Variants in OXSR1 observed in about 807,000 individuals in gnomAD.
OXSR1 encodes the protein serine/threonine-protein kinase OSR1.
In OXSR1, 24 loss-of-function variants were observed where a neutral mutation model predicts 79.8. That is an observed-to-expected ratio of 0.30 (90% CI 0.22 to 0.42). The LOEUF is 0.42. Among genes scored for constraint, OXSR1 ranks in the 10% least tolerant of loss-of-function variants. The probability of loss-of-function intolerance (pLI) is 1.00; values close to 1 mark genes in which losing one functional copy is unlikely to be tolerated. For synonymous variants in OXSR1, 226 were observed against 209.2 expected (o/e 1.08, Z -0.69); for missense variants, 430 against 618.4 (o/e 0.70, Z 3.23).
chr3:38,166,762 C>A (rs1215838198), intron 1 of OXSR1, among the ~76,000 whole-genome samples: 1 of 145,610 alleles, frequency 6.9e-6, no homozygotes. Flanking sequence ...TGCACTCCAG[C>A]CTGGGCGACA....
intron 11 of OXSR1, among the ~76,000 whole-genome samples, 186 bp downstream of exon 11, chr3:38,237,147 G>C (rs1219881148): frequency 6.6e-6 from 1 of 151,954 alleles, no homozygotes; most frequent in Non-Finnish European, 1.5e-5. Context: ...ATAATATTTA[G>C]AGTATATAAA....
At chr3:38,213,915 TTAA>T (rs1702435603) in intron 4 of OXSR1, among the ~76,000 whole-genome samples, 1 of 152,220 alleles carries the variant, frequency 6.6e-6, no homozygotes. Flanking sequence ...CATTTTTCCC[TTAA>T]TAATGTATTT....
chr3:38,201,407 T>C (rs1421604729), intron 4 of OXSR1, among the ~76,000 whole-genome samples: 1 of 150,652 alleles, frequency 6.6e-6, no homozygotes, highest in African/African-American at 2.4e-5. Flanking sequence ...ACAAAAAAAT[T>C]TTTTAAAATT....
chr3:38,246,174 A>T lies in OXSR1; in HGVS notation c.1210A>T (p.Thr404Ser), dbSNP rs912700802. 3.7e-6 allele frequency: 6 copies of T among 1,613,668 alleles called. No individual in the cohort carries two copies. In the African/African-American group the frequency reaches 6.7e-5, roughly 18 times the overall value. The change falls in exon 13 of 18, where the codon ACT becomes TCT. Residue 404 changes from threonine (T) to serine (S), a missense_variant. Physicochemically the swap from Thr to Ser is moderately conservative, Grantham distance 58. This residue lies in a region of OXSR1 where 276 missense variants were observed against 354.2 expected (regional missense o/e 0.78). Transcript: ENST00000311806. ...QPAGQIATQPTQVSLPPTAEP... is the reference protein window; with the variant it reads ...QPAGQIATQPSQVSLPPTAEP... ...AGCTGGGCAGATTGCTACACAGCCA[A>T]CTCAAGTCTCTCTCCCACCCACCGC... is the stretch of plus-strand genomic sequence containing the variant.
intron 15 of OXSR1, 165 bp downstream of exon 15, chr3:38,250,183 A>G (rs895616050): frequency 1.7e-6 from 1 of 589,982 alleles, no homozygotes. Context: ...TTCGTTGACT[A>G]CTAAACACAT....
intron 14 of OXSR1, among the ~76,000 whole-genome samples, chr3:38,249,004 G>A (rs745914529): frequency 1.3e-5 from 2 of 152,130 alleles, no homozygotes; most frequent in Non-Finnish European, 2.9e-5. Flanking sequence ...ATTTCAGGTA[G>A]TATATACATG....
intron 8 of OXSR1, among the ~76,000 whole-genome samples, chr3:38,227,545 CCACA>C (rs58097834): frequency 0.073 from 10,113 of 138,254 alleles, 333 homozygotes; most frequent in Non-Finnish European, 0.075. Context: ...GTATGCACAT[CCACA>C]CACACACACA....
chr3:38,237,760 C>G (rs550573826), intron 11 of OXSR1, among the ~76,000 whole-genome samples: 8 of 152,278 alleles, frequency 5.3e-5, no homozygotes, highest in Non-Finnish European at 8.8e-5. Context: ...CGATTAAGCT[C>G]TAAGCTTGGA....
intron 2 of OXSR1, among the ~76,000 whole-genome samples, chr3:38,189,473 A>C (rs995405289): frequency 6.6e-6 from 1 of 152,214 alleles, no homozygotes; most frequent in Non-Finnish European, 1.5e-5. Flanking sequence ...GTTGCAAGAT[A>C]TGTATGGCAA....
intron 1 of OXSR1, among the ~76,000 whole-genome samples, chr3:38,174,871 G>A (rs1262990311): frequency 2.0e-5 from 3 of 152,192 alleles, no homozygotes; most frequent in African/African-American, 7.2e-5. Context: ...AGCGAGTGAT[G>A]ATTCATTGCA....
intron 3 of OXSR1, among the ~76,000 whole-genome samples, chr3:38,197,083 T>A (rs1446365441): frequency 6.6e-6 from 1 of 152,212 alleles, no homozygotes; most frequent in Non-Finnish European, 1.5e-5. Flanking sequence ...GTATAATCAC[T>A]TTGCTTTGGG....
chr3:38,242,942 G>C (rs1245708362), intron 12 of OXSR1, among the ~76,000 whole-genome samples, 164 bp downstream of exon 12: 6 of 152,058 alleles, frequency 3.9e-5, no homozygotes, highest in Non-Finnish European at 8.8e-5. Context: ...GTTCTTCCTT[G>C]CCTCTTTGAT....
chr3:38,201,451 C>T (rs1456064610), intron 4 of OXSR1, among the ~76,000 whole-genome samples: 2 of 152,018 alleles, frequency 1.3e-5, no homozygotes, highest in Non-Finnish European at 2.9e-5. Context: ...TGACTCACGC[C>T]TGTAATCCCA....
At chr3:38,199,990 A>G (rs1702134124) in intron 4 of OXSR1, among the ~76,000 whole-genome samples, 1 of 152,114 alleles carries the variant, frequency 6.6e-6, no homozygotes, top group Non-Finnish European at 1.5e-5. Context: ...GTGGGGAAAC[A>G]CTGGACCTGC....
chr3:38,249,168 C>T (rs1451739994), intron 14 of OXSR1, among the ~76,000 whole-genome samples: 7 of 152,156 alleles, frequency 4.6e-5, no homozygotes, highest in Non-Finnish European at 1.0e-4. Flanking sequence ...AGTAAACCCT[C>T]TCCATTATTT....
intron 1 of OXSR1, among the ~76,000 whole-genome samples, chr3:38,179,866 T>C (rs1575311918): frequency 6.6e-6 from 1 of 152,078 alleles, no homozygotes; most frequent in Non-Finnish European, 1.5e-5. Flanking sequence ...TGGAGGAAAG[T>C]GGCGCAATCT....
chr3:38,177,754 T>C (rs1415621886), intron 1 of OXSR1, among the ~76,000 whole-genome samples: 2 of 151,918 alleles, frequency 1.3e-5, no homozygotes, highest in Non-Finnish European at 2.9e-5. Flanking sequence ...CTGGCTAATT[T>C]TTTTATTTTT....
At chr3:38,166,364 C>G (rs796192940) in intron 1 of OXSR1, among the ~76,000 whole-genome samples, 8 of 152,202 alleles carry the variant, frequency 5.3e-5, no homozygotes, top group African/African-American at 1.9e-4. Flanking sequence ...AGTTTTTCCT[C>G]CATCCGTGCT....
Position 38,253,413 on chromosome 3 carries a change from A to G in OXSR1, c.*522A>G. Reference sequence around the variant, plus strand: ...ATTCTAGCAACCTTTGTTAGGAAAAAGCACAGCCTCAGATGGAGGCAGCCT... The same window carrying G: ...ATTCTAGCAACCTTTGTTAGGAAAAGGCACAGCCTCAGATGGAGGCAGCCT... On this transcript the variant is annotated 3_prime_UTR_variant, in exon 18 of 18. Transcript: ENST00000311806. 6.5e-6 allele frequency: 1 copy of G among 154,644 alleles called. No individual in the cohort carries two copies. Among genetic ancestry groups the G allele is most frequent in the Admixed American group, 6.4e-5 (1 of 15,594 alleles). 9.6% of individuals were successfully genotyped at this position (154,644 alleles called of 1,614,324 possible). A position where few individuals can be genotyped will look rare whatever the true frequency, so the allele number is the denominator to read the frequency against.
Sources: allele counts gnomAD v4.1 joint callset (sites outside exome capture counted in the v4.1 genomes callset), GRCh38; gene constraint gnomAD v4.1.1; regional missense constraint gnomAD v4.1.1; transcripts MANE v1.5; gene names NCBI Gene and HGNC (gene_info 2026-07-23, HGNC 2026-07-21).